KREMEN1: variants seen among roughly 807,000 people sequenced by gnomAD.
The protein encoded by KREMEN1 is kremen protein 1.
Under a neutral mutation model 46.5 loss-of-function variants are expected in KREMEN1, and 30 were observed. The observed-to-expected ratio is 0.65, with a 90% CI of 0.48 to 0.88. KREMEN1 has a LOEUF of 0.88. Ranked by LOEUF, KREMEN1 falls within the 40% of genes least tolerant of loss-of-function variation. KREMEN1 has a pLI of 0.00. For synonymous variants in KREMEN1, 214 were observed against 230.6 expected (o/e 0.93, Z 0.65); for missense variants, 533 against 596.9 (o/e 0.89, Z 1.11).
chr22:29,093,118 A>C (rs77344301), intron 1 of KREMEN1, among the ~76,000 whole-genome samples: 7,591 of 152,312 alleles, frequency 0.05, 285 homozygotes, highest in Non-Finnish European at 0.08. Flanking sequence ...TGGAAGAGAG[A>C]TGTTCTGTGG....
intron 3 of KREMEN1, among the ~76,000 whole-genome samples, chr22:29,106,019 G>A (rs76789591): frequency 0.03 from 4,572 of 152,242 alleles, 196 homozygotes; most frequent in African/African-American, 0.094. Flanking sequence ...CCCTGATAAG[G>A]GTTTTTAAAA....
At chr22:29,126,535 A>T (rs915249453) in intron 5 of KREMEN1, among the ~76,000 whole-genome samples, 2 of 152,090 alleles carry the variant, frequency 1.3e-5, no homozygotes, top group Admixed American at 1.3e-4. Context: ...GTGTCTCCTT[A>T]AAAGGAACCA....
intron 3 of KREMEN1, among the ~76,000 whole-genome samples, chr22:29,101,259 A>C (rs1424602041): frequency 1.3e-5 from 2 of 150,886 alleles, no homozygotes; most frequent in East Asian, 3.9e-4. Flanking sequence ...CTCCAAAAAA[A>C]AAAAAAAAAA....
At position 29,146,560 on chromosome 22, in the gene KREMEN1, T is replaced by C. The variant is rs937927705; in HGVS notation, c.*4448T>C. On this transcript the variant is annotated 3_prime_UTR_variant, in exon 9 of 9. Coordinates refer to ENST00000400335, the MANE Select transcript of KREMEN1 (RefSeq NM_001039570.3). ...CGTCAAGACCTTCCCACATCCAAACTCAGCTTCCAGCAGGGATTTTGACTT... is the reference window on the plus strand; with the variant it reads ...CGTCAAGACCTTCCCACATCCAAACCCAGCTTCCAGCAGGGATTTTGACTT... 2 of 985,600 alleles carry C rather than the reference T, an allele frequency of 2.0e-6. No homozygotes were observed. The highest frequency in any genetic ancestry group is 2.4e-6 in the Non-Finnish European group (2 of 829,930). 61.1% of individuals were successfully genotyped at this position (985,600 alleles called of 1,614,324 possible). A position where few individuals can be genotyped will look rare whatever the true frequency, so the allele number is the denominator to read the frequency against.
intron 3 of KREMEN1, 106 bp downstream of exon 3, chr22:29,099,059 T>C: frequency 1.2e-6 from 1 of 801,756 alleles, no homozygotes; most frequent in African/African-American, 1.7e-5. Context: ...GTGGATTTCA[T>C]GGAGCATGTG....
chr22:29,164,757 C>A (rs132309), intron 9 of KREMEN1, among the ~76,000 whole-genome samples: 117,463 of 129,154 alleles, frequency 0.91, 53,366 homozygotes, highest in Non-Finnish European at 0.93. Flanking sequence ...AAAAAAAAAA[C>A]AAAAAAAAAA....
Position 29,142,171 on chromosome 22 carries a change from A to G in KREMEN1, c.*59A>G, listed in dbSNP as rs564879373. The G allele has an allele frequency of 2.2e-5, 32 of 1,474,830 alleles. No homozygotes were observed. In the South Asian group the frequency reaches 2.7e-4, roughly 12 times the overall value. 91.4% of individuals were successfully genotyped at this position (1,474,830 alleles called of 1,614,324 possible). A position where few individuals can be genotyped will look rare whatever the true frequency, so the allele number is the denominator to read the frequency against. ...TTTGAGCTCAAGGCTGCCGTGGTCA[A>G]CCTCTCCTGTGGTTCTTCTCTGACA... On this transcript the variant is annotated 3_prime_UTR_variant, in exon 9 of 9. Coordinates refer to ENST00000400335, the MANE Select transcript of KREMEN1 (RefSeq NM_001039570.3).
At chr22:29,167,012 G>C (rs370671012) in intron 9 of KREMEN1, 120 of 1,519,752 alleles carry the variant, frequency 7.9e-5, no homozygotes, top group Non-Finnish European at 1.0e-4. Context: ...TGTACTTTCA[G>C]ACACCACTCA....
intron 9 of KREMEN1, among the ~76,000 whole-genome samples, chr22:29,164,915 C>G (rs8136120): frequency 4.1e-4 from 62 of 151,952 alleles, no homozygotes; most frequent in Non-Finnish European, 8.5e-4. Flanking sequence ...TAGCTCAGGC[C>G]TCTAATCCCA....
At chr22:29,079,408 C>T (rs779350233) in intron 1 of KREMEN1, among the ~76,000 whole-genome samples, 15 of 152,228 alleles carry the variant, frequency 9.9e-5, no homozygotes, top group South Asian at 2.1e-4. Context: ...ACCCCTCTGC[C>T]GGGCCCAGCT....
intron 9 of KREMEN1, among the ~76,000 whole-genome samples, chr22:29,156,938 T>C (rs2038967749): frequency 6.6e-6 from 1 of 152,222 alleles, no homozygotes; most frequent in African/African-American, 2.4e-5. Context: ...ATAAAGCCTG[T>C]GCTGCCATCA....
chr22:29,076,066 A>C (rs1343979724), intron 1 of KREMEN1, among the ~76,000 whole-genome samples: 1 of 152,180 alleles, frequency 6.6e-6, no homozygotes, highest in East Asian at 1.9e-4. Flanking sequence ...TTCAAGGAGG[A>C]GTGCAACCAG....
Position 29,140,284 on chromosome 22 carries a change from T to C in KREMEN1, c.1126T>C (p.Trp376Arg). The change falls in exon 8 of 9, where the codon TGG becomes CGG. Residue 376 changes from tryptophan to arginine, a missense_variant and splice_region_variant. Transcript: ENST00000400335. ...AGCTCTGTCTTTTGCACTTGCAGGA[T>C]GGACAGTCTATGGTCTGGCAACTCT... ...PSHPPQTVPGWTVYGLATLLI... is the reference protein window; with the variant it reads ...PSHPPQTVPGRTVYGLATLLI... The C allele has an allele frequency of 6.2e-7, 1 of 1,613,614 alleles. No homozygotes were observed. Among genetic ancestry groups the C allele is most frequent in the Non-Finnish European group, 8.5e-7 (1 of 1,179,496 alleles).
chr22:29,120,528 T>A (rs1372240156), intron 3 of KREMEN1, among the ~76,000 whole-genome samples: 263 of 56,290 alleles, frequency 4.7e-3, no homozygotes, highest in African/African-American at 0.015. Context: ...GAGGTGATGA[T>A]GGAAACGGAG....
chr22:29,142,619 G>A lies in KREMEN1; in HGVS notation c.*507G>A. The stretch of plus-strand genomic sequence containing the variant: ...TCTTGGGAGTTGGTCCCATACAAGT[G>A]CGGACTCCTGGACATTAGCGAGGTG... On this transcript the variant is annotated 3_prime_UTR_variant, in exon 9 of 9. Transcript: ENST00000400335. 1.0e-6 allele frequency: 1 copy of A among 985,612 alleles called. No homozygotes were observed. Among genetic ancestry groups the A allele is most frequent in the African/African-American group, 1.7e-5 (1 of 57,374 alleles). 61.1% of individuals were successfully genotyped at this position (985,612 alleles called of 1,614,324 possible).
intron 1 of KREMEN1, among the ~76,000 whole-genome samples, chr22:29,083,712 A>AGG (rs2037690814): frequency 6.6e-6 from 1 of 152,130 alleles, no homozygotes; most frequent in Non-Finnish European, 1.5e-5. Flanking sequence ...GGTGCCTGTA[A>AGG]TCCCAGCTAC....
intron 9 of KREMEN1, among the ~76,000 whole-genome samples, chr22:29,164,942 A>G (rs1025974915): frequency 3.3e-5 from 5 of 151,918 alleles, no homozygotes; most frequent in Non-Finnish European, 7.4e-5. Context: ...TGGGAGGCCC[A>G]GGCAGGCGGA....
At chr22:29,130,820 C>T (rs549974950) in intron 5 of KREMEN1, among the ~76,000 whole-genome samples, 3 of 152,158 alleles carry the variant, frequency 2.0e-5, no homozygotes, top group Non-Finnish European at 2.9e-5. Flanking sequence ...CTATCCTGGG[C>T]CCTCCACTCA....
chr22:29,116,100 G>C (rs939720908), intron 3 of KREMEN1, among the ~76,000 whole-genome samples: 1 of 152,136 alleles, frequency 6.6e-6, no homozygotes, highest in Non-Finnish European at 1.5e-5. Context: ...TACCAGTCAC[G>C]CTCACTTCTT....
Sources: gnomAD v4.1 joint callset for allele counts (sites outside exome capture counted in the v4.1 genomes callset) on GRCh38, gnomAD v4.1.1 for gene constraint, MANE v1.5 for transcripts, NCBI Gene and HGNC (gene_info 2026-07-23, HGNC 2026-07-21) for gene names.